Variants in CRY2 observed in about 807,000 individuals in gnomAD.
CRY2 encodes the protein cryptochrome-2.
CRY2 carries 31 observed loss-of-function variants against 69.5 expected under a neutral mutation model. The observed-to-expected ratio is 0.45, with a 90% CI of 0.34 to 0.60. The LOEUF is 0.60. Among genes scored for constraint, CRY2 ranks in the 20% least tolerant of loss-of-function variants. The pLI, the probability that CRY2 is intolerant of heterozygous loss-of-function variation, is 0.02. For missense variants in CRY2, 606 were observed against 797.8 expected (o/e 0.76, Z 2.90); for synonymous variants, 303 against 312.2 (o/e 0.97, Z 0.31).
At chr11:45,858,684 C>T (rs1433906488) in intron 2 of CRY2, 47 bp from the exon 3 acceptor site, 4 of 1,574,796 alleles carry the variant, frequency 2.5e-6, no homozygotes, top group East Asian at 2.3e-5. Flanking sequence ...CAGCTTCCCC[C>T]TCCTCCCCAA....
chr11:45,872,529 C>T (rs2086394262), intron 11 of CRY2, among the ~76,000 whole-genome samples: 1 of 151,904 alleles, frequency 6.6e-6, no homozygotes, highest in Admixed American at 6.6e-5. Flanking sequence ...TCGCTTGAGG[C>T]CAGGAGTACA....
chr11:45,878,920 TAAAAAAAAAAAAAA>T (rs57461093), intron 11 of CRY2, among the ~76,000 whole-genome samples: 3,189 of 49,372 alleles, frequency 0.065, 94 homozygotes, highest in Admixed American at 0.096. Flanking sequence ...CTCCATCTAT[TAAAAAAAAAAAAAA>T]AAAAAAAAAA....
At chr11:45,857,318 AT>A (rs1238190043) in intron 2 of CRY2, among the ~76,000 whole-genome samples, 5 of 152,142 alleles carry the variant, frequency 3.3e-5, no homozygotes, top group Non-Finnish European at 7.3e-5. Flanking sequence ...GGAAACAGTC[AT>A]TGGTTGTGAA....
At chr11:45,866,897 G>A (rs1328597366) in intron 5 of CRY2, among the ~76,000 whole-genome samples, 1 of 152,104 alleles carries the variant, frequency 6.6e-6, no homozygotes, top group Non-Finnish European at 1.5e-5. Context: ...GGAGGTTGCG[G>A]TGAGCCGAGA....
In CRY2 at chr11:45,877,368, A is replaced by G. The variant is rs80217543; in HGVS notation, c.*3-3546A>G. On this transcript the variant is annotated intron_variant, in intron 11 of 11. Transcript: ENST00000616080. Reference sequence around the variant, plus strand: ...CTGCAAACAAAGTTTCCTCCAAACCATCAGCTGTTGTGGACCCTCTGCCAG... The same window carrying G: ...CTGCAAACAAAGTTTCCTCCAAACCGTCAGCTGTTGTGGACCCTCTGCCAG... 6.0e-4 allele frequency among the ~76,000 whole-genome samples: 91 copies of G among 152,350 alleles called. 1 individual carries two copies. The East Asian group carries it at 0.014, about 23-fold the overall frequency.
chr11:45,877,200 T>G (rs1052025030), intron 11 of CRY2, among the ~76,000 whole-genome samples: 1 of 152,196 alleles, frequency 6.6e-6, no homozygotes, highest in Non-Finnish European at 1.5e-5. Flanking sequence ...GAGCTTCAGC[T>G]CTCTCCCCCA....
At chr11:45,874,469 G>A (rs1382248047) in intron 11 of CRY2, among the ~76,000 whole-genome samples, 1 of 152,190 alleles carries the variant, frequency 6.6e-6, no homozygotes, top group Non-Finnish European at 1.5e-5. Context: ...TGATCAAAGA[G>A]GAAAGAGAAG....
In CRY2 at chr11:45,860,893, C is replaced by T. The variant is rs762289693; in HGVS notation, c.513C>T (p.Arg171=). 5 of 1,614,200 alleles carry T rather than the reference C, an allele frequency of 3.1e-6. No individual in the cohort carries two copies. The highest frequency in any genetic ancestry group is 4.2e-6 in the Non-Finnish European group (5 of 1,180,040). ...NGQKPPLTYK[R]FQAIISRMEL... Reference sequence around the variant, plus strand: ...AGAAGCCACCCCTTACATACAAGCGCTTTCAGGCCATCATCAGCCGCATGG... The same window carrying T: ...AGAAGCCACCCCTTACATACAAGCGTTTTCAGGCCATCATCAGCCGCATGG... The change falls in exon 4 of 12, where the codon CGC becomes CGT. Residue 171 remains arginine, a synonymous_variant. Coordinates refer to ENST00000616080, the MANE Select transcript of CRY2 (RefSeq NM_021117.5).
rs1213096986 is a variant in CRY2, at chr11:45,870,846, A to C, written c.1554A>C (p.Leu518=). Residue 518 remains leucine, a synonymous_variant, in exon 10 of 12, where the codon CTA becomes CTC. Coordinates refer to ENST00000616080, the MANE Select transcript of CRY2 (RefSeq NM_021117.5). ...TACTCCTCGCCTCTCTCCCAGGTCT[A>C]CTGGCATCTGTCCCTTCCTGTGTGG... is the stretch of plus-strand genomic sequence containing the variant. ...QQLSRYRGLC[L]LASVPSCVED... 1 of 1,613,256 alleles carries C rather than the reference A, an allele frequency of 6.2e-7. No homozygotes were observed. The highest frequency in any genetic ancestry group is 1.7e-5 in the Admixed American group (1 of 59,990).
chr11:45,858,951 G>A (rs2086264584), intron 3 of CRY2, 78 bp downstream of exon 3: 2 of 1,550,488 alleles, frequency 1.3e-6, no homozygotes, highest in Non-Finnish European at 8.7e-7. Flanking sequence ...GGAACTCAGA[G>A]AGGTTCAGCA....
chr11:45,871,430 C>T (rs1438716395), intron 10 of CRY2, among the ~76,000 whole-genome samples: 1 of 152,058 alleles, frequency 6.6e-6, no homozygotes, highest in Non-Finnish European at 1.5e-5. Context: ...GAGACGAGGA[C>T]TAGGATTCAG....
At chr11:45,856,722 G>A (rs2086242337) in intron 2 of CRY2, among the ~76,000 whole-genome samples, 1 of 152,002 alleles carries the variant, frequency 6.6e-6, no homozygotes, top group Admixed American at 6.6e-5. Context: ...TGTGAACCCG[G>A]GAGGCGGAGC....
intron 1 of CRY2, among the ~76,000 whole-genome samples, chr11:45,851,504 ACAGGAG>A (rs2086199139): frequency 6.6e-6 from 1 of 152,186 alleles, no homozygotes; most frequent in African/African-American, 2.4e-5. Flanking sequence ...TGGCAGGGAA[ACAGGAG>A]CTTCTCTGAG....
At chr11:45,876,712 G>A (rs1382538792) in intron 11 of CRY2, among the ~76,000 whole-genome samples, 2 of 152,224 alleles carry the variant, frequency 1.3e-5, no homozygotes, top group African/African-American at 4.8e-5. Flanking sequence ...TGACTGGGTA[G>A]ATCATCGAGT....
chr11:45,847,744 G>A, intron 1 of CRY2, 39 bp downstream of exon 1: 2 of 1,519,640 alleles, frequency 1.3e-6, no homozygotes, highest in Non-Finnish European at 1.8e-6. Context: ...GACGCAGCCA[G>A]GACCCTGACC....
At chr11:45,852,918 G>T (rs560171858) in intron 1 of CRY2, among the ~76,000 whole-genome samples, 27 of 152,374 alleles carry the variant, frequency 1.8e-4, no homozygotes, top group African/African-American at 6.3e-4. Flanking sequence ...CAATGCTGCT[G>T]ATTGTCAGAC....
chr11:45,870,086 A>G lies in CRY2; in HGVS notation c.1228A>G (p.Ser410Gly), dbSNP rs2086365139. The change falls in exon 8 of 12, where the codon AGC becomes GGC. Residue 410 changes from serine to glycine, a missense_variant. Coordinates refer to ENST00000616080, the MANE Select transcript of CRY2 (RefSeq NM_021117.5). Reference protein sequence around the residue: ...FDELLLDADFSVNAGSWMWLS... With the variant: ...FDELLLDADFGVNAGSWMWLS... ...TGAGCTGCTCCTGGATGCAGATTTC[A>G]GCGTGAACGCAGGCAGCTGGATGTG... 6.2e-7 allele frequency: 1 copy of G among 1,611,294 alleles called. No homozygotes were observed. Among genetic ancestry groups the G allele is most frequent in the South Asian group, 1.1e-5 (1 of 90,774 alleles).
At chr11:45,848,988 A>G (rs1346594185) in intron 1 of CRY2, among the ~76,000 whole-genome samples, 2 of 152,296 alleles carry the variant, frequency 1.3e-5, no homozygotes, top group East Asian at 1.9e-4. Flanking sequence ...TTTGACAAGC[A>G]TCATCAAATG....
Position 45,847,705 on chromosome 11 carries a change from G to C in CRY2, c.215G>C (p.Arg72Thr). 6.4e-7 allele frequency: 1 copy of C among 1,562,408 alleles called. No individual in the cohort carries two copies. Among genetic ancestry groups the C allele is most frequent in the Non-Finnish European group, 8.7e-7 (1 of 1,153,334 alleles). Residue 72 changes from arginine (R) to threonine (T), a missense_variant and splice_region_variant, in exon 1 of 12, where the codon AGG (arginine) becomes ACG (threonine). Physicochemically the swap from Arg to Thr is moderately conservative, Grantham distance 71. Coordinates refer to ENST00000616080, the MANE Select transcript of CRY2 (RefSeq NM_021117.5). Reference protein sequence around the residue: ...ASSSVGINRWRFLLQSLEDLD... With the variant: ...ASSSVGINRWTFLLQSLEDLD... Reference sequence around the variant, plus strand: ...TCCTCAGTCGGGATCAACCGATGGAGGTGAGGGGACCCGGGGCTGGGTGGC... The same window carrying C: ...TCCTCAGTCGGGATCAACCGATGGACGTGAGGGGACCCGGGGCTGGGTGGC...
Sources: gnomAD v4.1 joint callset for allele counts (sites outside exome capture counted in the v4.1 genomes callset) on GRCh38, gnomAD v4.1.1 for gene constraint, MANE v1.5 for transcripts, NCBI Gene and HGNC (gene_info 2026-07-23, HGNC 2026-07-21) for gene names.